The following C5orf34 variants were observed in gnomAD, a reference collection of about 807,000 sequenced individuals.
C5orf34 encodes the protein uncharacterized protein C5orf34.
Under a neutral mutation model 78.4 loss-of-function variants are expected in C5orf34, and 73 were observed. The ratio of observed to expected loss-of-function variants is 0.93; its 90% CI spans 0.77 to 1.13. The LOEUF is 1.13. C5orf34 is among the 50% of genes most tolerant of loss of function. The pLI, the probability that C5orf34 is intolerant of heterozygous loss-of-function variation, is 0.00. For missense variants in C5orf34, 730 were observed against 732.7 expected, an observed-to-expected ratio of 1.00 and a Z score of 0.04; for synonymous variants, 251 against 246.6, an observed-to-expected ratio of 1.02 and a Z score of -0.17.
At chr5:43,492,650 CTT>C in intron 9 of C5orf34, 68 bp downstream of exon 9, 2 of 1,317,762 alleles carry the variant, frequency 1.5e-6, no homozygotes, top group Non-Finnish European at 2.1e-6. Flanking sequence ...TAGTGTGGTA[CTT>C]TGTTTTCTTT....
At position 43,496,319 on chromosome 5, in the gene C5orf34, C is replaced by T. The variant is rs940045713; in HGVS notation, c.1153-1718G>A. ...AAGGAGTCCTTTCCCATCTCAGCAGCCTCCTTCTCAAATTTTTCAATGGTT... is the reference window on the plus strand; with the variant it reads ...AAGGAGTCCTTTCCCATCTCAGCAGTCTCCTTCTCAAATTTTTCAATGGTT... On this transcript the variant is annotated intron_variant, in intron 6 of 12. Transcript: ENST00000306862. 3.2e-6 allele frequency: 5 copies of T among 1,584,184 alleles called. No individual in the cohort carries two copies. In the South Asian group the frequency reaches 5.5e-5, roughly 17 times the overall value.
chr5:43,496,010 A>G (rs1233759388), intron 6 of C5orf34: 78 of 1,591,208 alleles, frequency 4.9e-5, no homozygotes, highest in South Asian at 7.7e-5. Flanking sequence ...GTTAACACCA[A>G]CAATTAGTTG....
chr5:43,500,846 A>G (rs898109775), intron 6 of C5orf34, among the ~76,000 whole-genome samples: 8 of 152,348 alleles, frequency 5.3e-5, no homozygotes, highest in African/African-American at 1.9e-4. Context: ...TAACACTTAT[A>G]AAGTTTGGTT....
chr5:43,489,483 T>G (rs887089094), intron 11 of C5orf34, among the ~76,000 whole-genome samples: 1 of 152,148 alleles, frequency 6.6e-6, no homozygotes, highest in Non-Finnish European at 1.5e-5. Context: ...ATTGACAGCC[T>G]CTTCTCAGCT....
intron 7 of C5orf34, among the ~76,000 whole-genome samples, chr5:43,494,059 G>T (rs957122958): frequency 3.3e-5 from 5 of 152,096 alleles, no homozygotes; most frequent in African/African-American, 1.2e-4. Context: ...GCATTCTTCT[G>T]GGTATCATAG....
chr5:43,494,829 G>A (rs886295922), intron 6 of C5orf34, among the ~76,000 whole-genome samples: 5 of 151,218 alleles, frequency 3.3e-5, no homozygotes, highest in African/African-American at 4.9e-5. Context: ...CAAATTTTTG[G>A]TCAAGTTGTT....
chr5:43,509,599 C>G (rs34179982), intron 1 of C5orf34, among the ~76,000 whole-genome samples: 1 of 152,112 alleles, frequency 6.6e-6, no homozygotes, highest in African/African-American at 2.4e-5. Flanking sequence ...CAAGAAGAGA[C>G]AACCACAAGT....
At chr5:43,503,617 C>T (rs756663944) in intron 5 of C5orf34, 48 bp downstream of exon 5, 1 of 1,220,732 alleles carries the variant, frequency 8.2e-7, no homozygotes, top group South Asian at 1.2e-5. Flanking sequence ...TCTGTGACAT[C>T]AATAAACAGC....
At position 43,486,979 on chromosome 5, in the gene C5orf34, G is replaced by A; in HGVS notation, c.1853C>T (p.Ala618Val). Reference sequence around the variant, plus strand: ...AAGGATTTCAGAGGTTTTTTTCAATGCTATTGATACTCTATTTTCATTAAC... The same window carrying A: ...AAGGATTTCAGAGGTTTTTTTCAATACTATTGATACTCTATTTTCATTAAC... ...GEVNENRVSI[A>V]LKKTSEILHD... is the part of the protein sequence containing the mutation. The change falls in exon 13 of 13, where the codon GCA becomes GTA. Residue 618 changes from alanine (A) to valine (V), a missense_variant. By Grantham distance (64) the Ala-to-Val change is moderately conservative. Transcript: ENST00000306862. 1 of 1,576,028 alleles carries A rather than the reference G, an allele frequency of 6.3e-7. No individual in the cohort carries two copies. The highest frequency in any genetic ancestry group is 8.6e-7 in the Non-Finnish European group (1 of 1,162,354).
intron 7 of C5orf34, among the ~76,000 whole-genome samples, chr5:43,494,156 A>G (rs1047848218): frequency 1.1e-4 from 17 of 152,200 alleles, no homozygotes; most frequent in African/African-American, 3.6e-4. Flanking sequence ...TACTCTGAAG[A>G]TAATAAAGAA....
At chr5:43,512,140 T>C (rs750968015) in intron 1 of C5orf34, among the ~76,000 whole-genome samples, 4 of 152,216 alleles carry the variant, frequency 2.6e-5, no homozygotes, top group Non-Finnish European at 5.9e-5. Context: ...ACAGGATTGT[T>C]GTGTGTATTA....
chr5:43,493,046 AAC>A (rs1237281020), intron 8 of C5orf34, among the ~76,000 whole-genome samples, 156 bp from the exon 9 acceptor site: 1 of 152,114 alleles, frequency 6.6e-6, no homozygotes, highest in Non-Finnish European at 1.5e-5. Context: ...GGATACCCAA[AAC>A]AGTCTTTTTT....
intron 6 of C5orf34, chr5:43,496,565 T>TG: frequency 1.3e-6 from 1 of 773,948 alleles, no homozygotes. Context: ...CTCCTATTCA[T>TG]TCAAAAGTTT....
chr5:43,488,700 A>G (rs757197708), intron 11 of C5orf34, among the ~76,000 whole-genome samples: 2 of 152,100 alleles, frequency 1.3e-5, no homozygotes, highest in Non-Finnish European at 2.9e-5. Flanking sequence ...GACAACTGGT[A>G]TGGAGTAGAG....
intron 6 of C5orf34, chr5:43,496,214 C>T: frequency 6.4e-7 from 1 of 1,569,108 alleles, no homozygotes; most frequent in Non-Finnish European, 8.7e-7. Context: ...TTGCTGGTCT[C>T]AAATTTCCAC....
At position 43,487,111 on chromosome 5, in the gene C5orf34, A is replaced by T. The variant is rs761561838; in HGVS notation, c.1721T>A (p.Leu574Ter). 6.7e-7 allele frequency: 1 copy of T among 1,501,828 alleles called. No individual in the cohort carries two copies. The highest frequency in any genetic ancestry group is 8.9e-7 in the Non-Finnish European group (1 of 1,122,290). 93.0% of individuals were successfully genotyped at this position (1,501,828 alleles called of 1,614,324 possible). Residue 574 changes from leucine to a stop codon, truncating the protein, a stop_gained and splice_region_variant, in exon 13 of 13, where the codon TTG becomes TAG. Coordinates refer to ENST00000306862, the MANE Select transcript of C5orf34 (RefSeq NM_198566.4). LOFTEE classifies it high-confidence loss of function. ...TAGGATACCACTATTTTCTAGTAGC[A>T]CTAAGTTGCTTAGTTAAGGAGGTTT... is the stretch of plus-strand genomic sequence containing the variant. The part of the protein sequence containing the change: ...SELEKIQKFN[L>*]LLENSGILNQ...
At chr5:43,494,256 CTTCCTCTCAGCACTTG>C (rs1745407450) in intron 7 of C5orf34, among the ~76,000 whole-genome samples, 4 of 152,170 alleles carry the variant, frequency 2.6e-5, no homozygotes, top group African/African-American at 9.7e-5. Context: ...AGGGCACTTA[CTTCCTCTCAGCACTTG>C]CTCACCATAT....
intron 11 of C5orf34, among the ~76,000 whole-genome samples, chr5:43,489,409 C>G (rs1467385762): frequency 6.6e-6 from 1 of 152,140 alleles, no homozygotes; most frequent in Non-Finnish European, 1.5e-5. Flanking sequence ...CTTGCCTCTG[C>G]TGTTCCTAGT....
intron 3 of C5orf34, 122 bp downstream of exon 3, chr5:43,508,455 A>C: frequency 1.6e-6 from 1 of 610,046 alleles, no homozygotes; most frequent in Non-Finnish European, 2.9e-6. Flanking sequence ...TGTAACTTTG[A>C]TGTTTTATAG....
Sources: allele counts gnomAD v4.1 joint callset (sites outside exome capture counted in the v4.1 genomes callset), GRCh38; gene constraint gnomAD v4.1.1; transcripts MANE v1.5; gene names NCBI Gene and HGNC (gene_info 2026-07-23, HGNC 2026-07-21).